SAXO5: variants seen among roughly 807,000 people sequenced by gnomAD.
SAXO5 encodes the protein testis expressed 45.
At chr19:7,503,491 G>A in the SAXO5 span, among the ~76,000 whole-genome samples, 1 of 151,770 alleles carries the variant, frequency 6.6e-6, no homozygotes, top group African/African-American at 2.4e-5. Flanking sequence ...TTTATTGTGT[G>A]TGTGTGTTTT....
the SAXO5 span, among the ~76,000 whole-genome samples, chr19:7,500,296 A>G: frequency 6.6e-6 from 1 of 151,508 alleles, no homozygotes; most frequent in Non-Finnish European, 1.5e-5. Context: ...TAGGCACCAC[A>G]TGAAAGATTT....
chr19:7,504,259 G>C, the SAXO5 span: 2 of 1,613,448 alleles, frequency 1.2e-6, no homozygotes, highest in Non-Finnish European at 1.7e-6. Flanking sequence ...GCAGGCGGGG[G>C]CAGAATTGGG....
chr19:7,501,827 A>T, the SAXO5 span, among the ~76,000 whole-genome samples: 90 of 151,500 alleles, frequency 5.9e-4, no homozygotes, highest in African/African-American at 2.2e-3. Flanking sequence ...TCTCAAAAAA[A>T]GGAAAGAAAG....
the SAXO5 span, chr19:7,505,970 C>G: frequency 6.3e-7 from 1 of 1,583,726 alleles, no homozygotes; most frequent in Admixed American, 1.8e-5. Context: ...ACAGCCGCCA[C>G]CCCCGACCCA....
chr19:7,501,275 C>T, the SAXO5 span: 1 of 1,573,804 alleles, frequency 6.4e-7, no homozygotes, highest in Non-Finnish European at 8.5e-7. Context: ...CGCGCCTCAT[C>T]TTCGACCGCG....
the SAXO5 span, chr19:7,503,989 C>G: frequency 5.0e-6 from 3 of 603,088 alleles, no homozygotes; most frequent in Admixed American, 3.0e-5. Context: ...CCAGACAGCT[C>G]TCAGTCTACA....
the SAXO5 span, chr19:7,505,292 T>C: frequency 6.2e-7 from 1 of 1,607,488 alleles, no homozygotes; most frequent in East Asian, 2.2e-5. Context: ...CCACTTTACC[T>C]TATTCTTGAT....
chr19:7,498,626 C>T, the SAXO5 span, among the ~76,000 whole-genome samples: 2 of 152,116 alleles, frequency 1.3e-5, no homozygotes, highest in Non-Finnish European at 2.9e-5. Flanking sequence ...GAACTCCGAC[C>T]TCAGGAGATC....
the SAXO5 span, chr19:7,506,414 G>A: frequency 1.1e-5 from 6 of 534,646 alleles, no homozygotes; most frequent in African/African-American, 2.2e-5. Context: ...CCCCAACTCT[G>A]CTCCTGGATA....
the SAXO5 span, among the ~76,000 whole-genome samples, chr19:7,499,267 G>A: frequency 6.6e-6 from 1 of 151,032 alleles, no homozygotes; most frequent in South Asian, 2.1e-4. Context: ...AGCTGAGATC[G>A]TGCCACTGTA....
the SAXO5 span, chr19:7,508,266 A>G: frequency 6.2e-7 from 1 of 1,613,966 alleles, no homozygotes; most frequent in Non-Finnish European, 8.5e-7. Context: ...AACACAATAC[A>G]AGGACGAGTT....
the SAXO5 span, among the ~76,000 whole-genome samples, chr19:7,504,631 G>A: frequency 0.012 from 1,800 of 151,954 alleles, 40 homozygotes; most frequent in African/African-American, 0.041. Flanking sequence ...GCCTGAACCC[G>A]GGAGGCGGAG....
the SAXO5 span, chr19:7,506,447 C>A: frequency 6.1e-6 from 3 of 494,538 alleles, no homozygotes; most frequent in East Asian, 1.2e-4. Flanking sequence ...CATGGCCATG[C>A]CTCTCCCCTT....
chr19:7,501,018 CT>C, the SAXO5 span: 2 of 1,527,310 alleles, frequency 1.3e-6, no homozygotes, highest in African/African-American at 1.4e-5. Flanking sequence ...GCCCGCGCTG[CT>C]TTTCCCAATG....
chr19:7,504,150 A>G, the SAXO5 span: 1 of 1,613,756 alleles, frequency 6.2e-7, no homozygotes, highest in Non-Finnish European at 8.5e-7. Flanking sequence ...GTGGGACTAC[A>G]CGAGACAAGA....
At chr19:7,498,974 G>C in the SAXO5 span, 2 of 152,492 alleles carry the variant, frequency 1.3e-5, no homozygotes, top group Non-Finnish European at 2.9e-5. Flanking sequence ...ATTGAGAATA[G>C]GCAGGACCTA....
chr19:7,506,825 C>A, the SAXO5 span: 1 of 530,100 alleles, frequency 1.9e-6, no homozygotes, highest in Non-Finnish European at 3.4e-6. Flanking sequence ...TCTTCCCCAG[C>A]GCCTACCTCT....
the SAXO5 span, among the ~76,000 whole-genome samples, chr19:7,502,378 G>A: frequency 6.6e-6 from 1 of 152,114 alleles, no homozygotes; most frequent in Admixed American, 6.6e-5. Flanking sequence ...CCAAAGTGCT[G>A]GGATTATAGG....
chr19:7,506,257 G>GGA, the SAXO5 span: 4 of 1,059,804 alleles, frequency 3.8e-6, no homozygotes, highest in Non-Finnish European at 5.2e-6. Context: ...CCTCCCCATG[G>GGA]AGCCCCGCCC....
Sources: gnomAD v4.1 joint callset for allele counts (sites outside exome capture counted in the v4.1 genomes callset) on GRCh38, gnomAD v4.1.1 for gene constraint, MANE v1.5 for transcripts, NCBI Gene and HGNC (gene_info 2026-07-23, HGNC 2026-07-21) for gene names.